The following PRKAR1B variants were observed in gnomAD, a reference collection of about 807,000 sequenced individuals.
The protein encoded by PRKAR1B is cAMP-dependent protein kinase type I-beta regulatory subunit.
Under a neutral mutation model 46.5 loss-of-function variants are expected in PRKAR1B, and 22 were observed. The observed-to-expected ratio is 0.47, with a 90% CI of 0.34 to 0.68. PRKAR1B has a LOEUF of 0.68. Among genes scored for constraint, PRKAR1B ranks in the 30% least tolerant of loss-of-function variants. The probability of loss-of-function intolerance (pLI) is 0.01; values close to 1 mark genes in which losing one functional copy is unlikely to be tolerated. For synonymous variants in PRKAR1B, 259 were observed against 217.7 expected (o/e 1.19, Z -1.67); for missense variants, 445 against 535.6 (o/e 0.83, Z 1.67).
At chr7:665,342 G>A (rs546165607) in intron 4 of PRKAR1B, among the ~76,000 whole-genome samples, 3 of 152,258 alleles carry the variant, frequency 2.0e-5, no homozygotes, top group East Asian at 1.9e-4. Context: ...GTGGCCCGAC[G>A]CAGCCTGCTT....
chr7:699,395 G>C (rs560576952), intron 2 of PRKAR1B, among the ~76,000 whole-genome samples: 1 of 152,274 alleles, frequency 6.6e-6, no homozygotes, highest in Admixed American at 6.5e-5. Context: ...CTGACGGTTA[G>C]GGCCCCTCCC....
chr7:696,409 T>C (rs1402320945), intron 2 of PRKAR1B, among the ~76,000 whole-genome samples: 2 of 152,086 alleles, frequency 1.3e-5, no homozygotes, highest in Admixed American at 6.5e-5. Context: ...GTAGCTGGGA[T>C]TACAGACATC....
intron 6 of PRKAR1B, among the ~76,000 whole-genome samples, chr7:598,453 A>G (rs375750250): frequency 1.5e-5 from 1 of 68,620 alleles, no homozygotes; most frequent in African/African-American, 5.2e-5. Context: ...CTCCACACTA[A>G]ATACCATCAC....
intron 4 of PRKAR1B, among the ~76,000 whole-genome samples, chr7:652,525 C>A (rs1324041020): frequency 1.3e-5 from 2 of 152,096 alleles, no homozygotes; most frequent in African/African-American, 4.8e-5. Flanking sequence ...CCTGGGGAAA[C>A]CCCTCTCGGA....
At chr7:661,012 C>G (rs28436648) in intron 4 of PRKAR1B, among the ~76,000 whole-genome samples, 1 of 59,104 alleles carries the variant, frequency 1.7e-5, no homozygotes, top group African/African-American at 8.0e-5. Flanking sequence ...TACTCTCCCC[C>G]CCATGGCACA....
chr7:593,309 G>A lies in PRKAR1B; in HGVS notation c.708+2837C>T, dbSNP rs753379005. On this transcript the variant is annotated intron_variant, in intron 7 of 10. Coordinates refer to ENST00000537384, the MANE Select transcript of PRKAR1B (RefSeq NM_001164760.2). The surrounding 1 kb of genome is among the most constrained non-coding windows in gnomAD (Gnocchi z 6.1). ...TCCCGCGTCCCCCAGGTCCCAGCAC[G>A]TCCCAGCTCGGGACTAAGGCAGAAA... Among the ~76,000 whole-genome samples, 8 of 152,288 alleles carry A rather than the reference G, an allele frequency of 5.3e-5. No individual in the cohort carries two copies. The highest frequency in any genetic ancestry group is 2.1e-4 in the South Asian group (1 of 4,830).
intron 4 of PRKAR1B, among the ~76,000 whole-genome samples, chr7:656,920 G>GATGAATGA (rs138636630): frequency 0.16 from 24,425 of 150,118 alleles, 2,144 homozygotes; most frequent in East Asian, 0.22. Flanking sequence ...CGGACGGATG[G>GATGAATGA]ATGAATGAAT....
intron 3 of PRKAR1B, 141 bp downstream of exon 3, chr7:680,414 AC>A: frequency 1.2e-6 from 1 of 848,242 alleles, no homozygotes; most frequent in Non-Finnish European, 1.7e-6. Flanking sequence ...CTCTGCCATC[AC>A]CCACATAGTC....
intron 4 of PRKAR1B, among the ~76,000 whole-genome samples, chr7:647,416 T>C (rs561549353): frequency 6.4e-4 from 97 of 152,126 alleles, no homozygotes; most frequent in African/African-American, 2.3e-3. Context: ...GCCCCCTCTA[T>C]GATCCCAACA....
At chr7:638,348 A>T (rs1784229208) in intron 4 of PRKAR1B, among the ~76,000 whole-genome samples, 1 of 152,198 alleles carries the variant, frequency 6.6e-6, no homozygotes, top group African/African-American at 2.4e-5. Flanking sequence ...TCACATAATT[A>T]AAAACCAGTC....
chr7:578,593 C>T (rs574309477), intron 9 of PRKAR1B, among the ~76,000 whole-genome samples: 4 of 152,294 alleles, frequency 2.6e-5, no homozygotes, highest in East Asian at 1.9e-4. Flanking sequence ...GGGATGCGGA[C>T]GCGGTGCCAT....
intron 8 of PRKAR1B, among the ~76,000 whole-genome samples, chr7:582,732 G>A (rs1170828728): frequency 6.6e-6 from 1 of 152,210 alleles, no homozygotes. Flanking sequence ...GGTGAATGAA[G>A]GAGTCTGTGG....
At chr7:722,589 T>A (rs1017684382) in intron 1 of PRKAR1B, among the ~76,000 whole-genome samples, 2 of 151,788 alleles carry the variant, frequency 1.3e-5, no homozygotes, top group Non-Finnish European at 2.9e-5. Flanking sequence ...CCAGGCTGGT[T>A]TCAAACTCCT....
intron 2 of PRKAR1B, among the ~76,000 whole-genome samples, chr7:698,737 T>C (rs1779905991): frequency 6.6e-6 from 1 of 151,964 alleles, no homozygotes; most frequent in African/African-American, 2.4e-5. Flanking sequence ...TGTGTTTTAA[T>C]GCATGTGCAC....
chr7:613,190 G>C (rs985119462), intron 4 of PRKAR1B, among the ~76,000 whole-genome samples: 7 of 151,242 alleles, frequency 4.6e-5, no homozygotes, highest in African/African-American at 1.7e-4. Context: ...CTGTGGGGTG[G>C]AGAGGGGGTG....
In PRKAR1B at chr7:551,381, G is replaced by T. The variant is rs765473497; in HGVS notation, c.973+8C>A. 5.1e-5 allele frequency: 79 copies of T among 1,553,942 alleles called. 5 individuals are homozygous for T. The South Asian group carries it at 8.4e-4, about 17-fold the overall frequency. Reference sequence around the variant, plus strand: ...CCGTGCGAGGGAGGGGACGCCCACTGGACTCACCGAAGTAGTCAGAGGGTC... The same window carrying T: ...CCGTGCGAGGGAGGGGACGCCCACTTGACTCACCGAAGTAGTCAGAGGGTC... On this transcript the variant is annotated splice_region_variant and intron_variant, in intron 10 of 10. Transcript: ENST00000537384.
intron 1 of PRKAR1B, among the ~76,000 whole-genome samples, chr7:715,378 C>T (rs922282327): frequency 5.3e-5 from 8 of 152,086 alleles, no homozygotes; most frequent in South Asian, 4.1e-4. Context: ...AGAGGAGCTG[C>T]GCTTGGTCAT....
intron 4 of PRKAR1B, among the ~76,000 whole-genome samples, chr7:660,083 C>T (rs1030441922): frequency 1.3e-5 from 2 of 151,996 alleles, no homozygotes; most frequent in African/African-American, 4.8e-5. Flanking sequence ...GCTCTCCATC[C>T]CCTACTCGGA....
upstream of PRKAR1B, among the ~76,000 whole-genome samples, chr7:728,330 C>G (rs1359550234): frequency 3.3e-5 from 5 of 152,200 alleles, no homozygotes; most frequent in South Asian, 1.0e-3. Flanking sequence ...CTGGCCAGCT[C>G]AGGCCGTCCC....
Sources: gnomAD v4.1 joint callset for allele counts (sites outside exome capture counted in the v4.1 genomes callset) on GRCh38, gnomAD v4.1.1 for gene constraint, Gnocchi (gnomAD v3.1) non-coding constraint, MANE v1.5 for transcripts, NCBI Gene and HGNC (gene_info 2026-07-23, HGNC 2026-07-21) for gene names.